DTNA: variants seen among roughly 807,000 people sequenced by gnomAD.
DTNA encodes the protein dystrobrevin alpha.
In DTNA, 43 loss-of-function variants were observed where a neutral mutation model predicts 100.7. The ratio of observed to expected loss-of-function variants is 0.43; its 90% CI spans 0.33 to 0.55. The LOEUF is 0.55. DTNA is among the 20% of genes least tolerant of loss of function. DTNA has a pLI of 0.04. For missense variants in DTNA, 798 were observed against 953.9 expected (o/e 0.84, Z 2.15); for synonymous variants, 349 against 347.9 (o/e 1.00, Z -0.04).
At position 34,889,549 on chromosome 18, in the gene DTNA, G is replaced by A. The variant is rs947905494; in HGVS notation, c.*1815G>A. 63 of 985,292 alleles carry A rather than the reference G, an allele frequency of 6.4e-5. No individual in the cohort carries two copies. In the African/African-American group the frequency reaches 7.5e-4, roughly 12 times the overall value. 61.0% of individuals were successfully genotyped at this position (985,292 alleles called of 1,614,324 possible). A position where few individuals can be genotyped will look rare whatever the true frequency, so the allele number is the denominator to read the frequency against. On this transcript the variant is annotated 3_prime_UTR_variant, in exon 23 of 23. Coordinates refer to ENST00000444659, the MANE Select transcript of DTNA (RefSeq NM_001386795.1). ...TTCTCTGAACCCACACACCAAGTTC[G>A]TAGTTGGTAGGTGCCCAGCCAAGTC...
chr18:34,735,570 T>A (rs1031881761), intron 1 of DTNA, among the ~76,000 whole-genome samples: 3 of 152,316 alleles, frequency 2.0e-5, no homozygotes, highest in East Asian at 1.9e-4. Context: ...TTACCATTAG[T>A]TCATGTGGCT....
chr18:34,847,984 A>C (rs1019009881), intron 13 of DTNA, among the ~76,000 whole-genome samples: 1 of 152,208 alleles, frequency 6.6e-6, no homozygotes, highest in Non-Finnish European at 1.5e-5. Context: ...GGAAAGAAAA[A>C]ATGTTAAAGG....
At chr18:34,881,529 T>G (rs2096873556) in intron 20 of DTNA, among the ~76,000 whole-genome samples, 1 of 148,038 alleles carries the variant, frequency 6.8e-6, no homozygotes, top group Non-Finnish European at 1.5e-5. Flanking sequence ...GCTGATATTC[T>G]AAGACTTAAT....
chr18:34,501,094 T>A (rs1276825152), intron 1 of DTNA, among the ~76,000 whole-genome samples: 1 of 152,216 alleles, frequency 6.6e-6, no homozygotes, highest in Admixed American at 6.5e-5. Flanking sequence ...CTGTAAGTTT[T>A]ATGTAAGTGT....
chr18:34,616,542 A>G (rs1392624797), intron 1 of DTNA, among the ~76,000 whole-genome samples: 2 of 152,156 alleles, frequency 1.3e-5, no homozygotes, highest in African/African-American at 4.8e-5. Context: ...GCCTAGTAGT[A>G]TGGTTTAAAG....
At chr18:34,820,303 G>A (rs2095681550) in intron 8 of DTNA, among the ~76,000 whole-genome samples, 1 of 152,086 alleles carries the variant, frequency 6.6e-6, no homozygotes, top group African/African-American at 2.4e-5. Context: ...GTTCTTAAGT[G>A]AGAGCAGTCC....
chr18:34,564,864 G>A (rs908542073), intron 1 of DTNA, among the ~76,000 whole-genome samples: 2 of 152,186 alleles, frequency 1.3e-5, no homozygotes, highest in Non-Finnish European at 2.9e-5. Flanking sequence ...ATGCATGTGT[G>A]TGGCTGCCTG....
At chr18:34,867,091 C>T in intron 17 of DTNA, 4 of 1,230,924 alleles carry the variant, frequency 3.2e-6, no homozygotes, top group East Asian at 3.2e-5. Context: ...ATATCCCACT[C>T]ACTAGCATTA....
chr18:34,646,034 T>C (rs2059795584), intron 1 of DTNA, among the ~76,000 whole-genome samples: 1 of 152,198 alleles, frequency 6.6e-6, no homozygotes, highest in African/African-American at 2.4e-5. Context: ...ACTGCATATG[T>C]ACTCTCTTAG....
intron 10 of DTNA, 58 bp from the exon 11 acceptor site, chr18:34,829,342 T>TG: frequency 6.5e-7 from 1 of 1,530,696 alleles, no homozygotes; most frequent in South Asian, 1.2e-5. Context: ...CCTCTCTGAG[T>TG]GGGCCTTGCT....
intron 1 of DTNA, among the ~76,000 whole-genome samples, chr18:34,505,959 C>T (rs959170746): frequency 6.6e-6 from 1 of 152,160 alleles, no homozygotes; most frequent in Non-Finnish European, 1.5e-5. Flanking sequence ...TTTAAACTTT[C>T]TGATTTAGCC....
chr18:34,866,034 G>A, intron 17 of DTNA: 1 of 1,523,482 alleles, frequency 6.6e-7, no homozygotes, highest in Non-Finnish European at 9.1e-7. Context: ...TCCCCATCTT[G>A]CGTTCCTTCA....
chr18:34,790,175 AGGCAGTGTGAGG>A (rs989722736), intron 3 of DTNA, among the ~76,000 whole-genome samples: 1 of 152,152 alleles, frequency 6.6e-6, no homozygotes, highest in Non-Finnish European at 1.5e-5. Context: ...AGGATGTGTA[AGGCAGTGTGAGG>A]GGCACTAGGG....
intron 1 of DTNA, among the ~76,000 whole-genome samples, chr18:34,525,658 T>C (rs2042546606): frequency 6.6e-6 from 1 of 152,122 alleles, no homozygotes; most frequent in Non-Finnish European, 1.5e-5. Context: ...ACAATTCAAG[T>C]AAAACTACTC....
At chr18:34,813,989 A>G (rs1602518147) in intron 6 of DTNA, among the ~76,000 whole-genome samples, 1 of 152,076 alleles carries the variant, frequency 6.6e-6, no homozygotes, top group East Asian at 1.9e-4. Context: ...AAAGTGAATT[A>G]TCTGATTTAT....
At chr18:34,794,601 T>A (rs1428941693) in intron 4 of DTNA, among the ~76,000 whole-genome samples, 2 of 152,288 alleles carry the variant, frequency 1.3e-5, no homozygotes, top group East Asian at 3.9e-4. Flanking sequence ...TTTAACTCTC[T>A]TCTTTGCAAA....
chr18:34,506,286 GCAGGGGTAGAACTC>G (rs2040482558), intron 1 of DTNA, among the ~76,000 whole-genome samples: 1 of 152,140 alleles, frequency 6.6e-6, no homozygotes, highest in Admixed American at 6.5e-5. Flanking sequence ...GTACTGCAAG[GCAGGGGTAGAACTC>G]CAGGATCCTC....
intron 1 of DTNA, among the ~76,000 whole-genome samples, chr18:34,543,590 C>G (rs1272878079): frequency 1.3e-5 from 2 of 152,012 alleles, no homozygotes; most frequent in Non-Finnish European, 2.9e-5. Context: ...CTGCCTGTTG[C>G]CCCATGCTGT....
chr18:34,513,151 T>C (rs1394860644), intron 1 of DTNA, among the ~76,000 whole-genome samples: 1 of 152,100 alleles, frequency 6.6e-6, no homozygotes, highest in Admixed American at 6.6e-5. Context: ...CTCATATCCA[T>C]TAAAACTGCC....
Sources: gnomAD v4.1 joint callset for allele counts (sites outside exome capture counted in the v4.1 genomes callset) on GRCh38, gnomAD v4.1.1 for gene constraint, MANE v1.5 for transcripts, NCBI Gene and HGNC (gene_info 2026-07-23, HGNC 2026-07-21) for gene names.